The following MCM9 variants were observed in gnomAD, a reference collection of about 807,000 sequenced individuals.
The protein encoded by MCM9 is DNA helicase MCM9.
A neutral mutation model predicts 72.8 loss-of-function variants in MCM9; 55 were observed. That is an observed-to-expected ratio of 0.76 (90% CI 0.61 to 0.95). The LOEUF is 0.95. Among genes scored for constraint, MCM9 ranks in the 40% least tolerant of loss-of-function variants. The pLI is 0.00. For synonymous variants in MCM9, 480 were observed against 503.4 expected (o/e 0.95, Z 0.62); for missense variants, 1,279 against 1,377.0 (o/e 0.93, Z 1.13).
intron 8 of MCM9, among the ~76,000 whole-genome samples, chr6:118,856,777 A>T (rs1029866431): frequency 1.3e-5 from 2 of 152,134 alleles, no homozygotes; most frequent in African/African-American, 4.8e-5. Context: ...GCTACTCAGA[A>T]GGCTGAGGCG....
chr6:118,824,140 C>T (rs1323708174), intron 13 of MCM9, among the ~76,000 whole-genome samples: 4 of 142,938 alleles, frequency 2.8e-5, no homozygotes, highest in Non-Finnish European at 4.5e-5. Context: ...AAACCTCTGC[C>T]CCCCGGGGCA....
chr6:118,875,628 C>G (rs1489702636), intron 8 of MCM9, among the ~76,000 whole-genome samples: 1 of 145,460 alleles, frequency 6.9e-6, no homozygotes, highest in African/African-American at 2.6e-5. Flanking sequence ...AGAGTGAGAC[C>G]CTGTCTCAAA....
chr6:118,873,722 T>C (rs1361887170), intron 8 of MCM9, among the ~76,000 whole-genome samples: 1 of 152,242 alleles, frequency 6.6e-6, no homozygotes, highest in African/African-American at 2.4e-5. Context: ...ACATGAATTC[T>C]CTACAATCTC....
At position 118,856,407 on chromosome 6, in the gene MCM9, G is replaced by T; in HGVS notation, c.1289C>A (p.Ala430Glu). The change falls in exon 9 of 14, where the codon GCA (alanine) becomes GAA (glutamate). Residue 430 changes from alanine (A) to glutamate (E), a missense_variant. Ala to Glu is a moderately radical substitution (Grantham distance 107, BLOSUM62 -1). Transcript: ENST00000619706. ...KEHDRTSIHEAMEQQTISVAK... is the reference protein window; with the variant it reads ...KEHDRTSIHEEMEQQTISVAK... Reference sequence around the variant, plus strand: ...AACACTTATGGTTTGTTGCTCCATTGCTTCATGGATACTGGTCCTATCATG... The same window carrying T: ...AACACTTATGGTTTGTTGCTCCATTTCTTCATGGATACTGGTCCTATCATG... The T allele has an allele frequency of 6.5e-7, 1 of 1,535,426 alleles. No homozygotes were observed. The highest frequency in any genetic ancestry group is 8.7e-7 in the Non-Finnish European group (1 of 1,146,836).
chr6:118,861,776 G>A (rs1776922834), intron 8 of MCM9, among the ~76,000 whole-genome samples: 1 of 152,186 alleles, frequency 6.6e-6, no homozygotes, highest in African/African-American at 2.4e-5. Context: ...CTCACTTCAG[G>A]TTGTGGACTC....
At chr6:118,881,745 C>A (rs1183759828) in intron 8 of MCM9, among the ~76,000 whole-genome samples, 1 of 152,148 alleles carries the variant, frequency 6.6e-6, no homozygotes, top group Non-Finnish European at 1.5e-5. Flanking sequence ...TAAAATCCAA[C>A]CATTTATACA....
intron 8 of MCM9, among the ~76,000 whole-genome samples, chr6:118,879,571 A>G (rs774714828): frequency 2.6e-5 from 4 of 152,230 alleles, no homozygotes; most frequent in Admixed American, 6.5e-5. Context: ...ATTTGTTTAC[A>G]TACTGTCTAT....
chr6:118,852,615 G>C (rs1441248535), intron 9 of MCM9, among the ~76,000 whole-genome samples: 1 of 152,208 alleles, frequency 6.6e-6, no homozygotes, highest in East Asian at 1.9e-4. Flanking sequence ...TTACCAAGCA[G>C]GGAAGAGATG....
chr6:118,929,803 T>C (rs1397975281), intron 3 of MCM9, among the ~76,000 whole-genome samples: 1 of 152,158 alleles, frequency 6.6e-6, no homozygotes, highest in Non-Finnish European at 1.5e-5. Context: ...TGAGACTCCA[T>C]CTCTAATTTT....
At chr6:118,864,853 C>T (rs1777120195) in intron 8 of MCM9, among the ~76,000 whole-genome samples, 1 of 152,194 alleles carries the variant, frequency 6.6e-6, no homozygotes, top group Non-Finnish European at 1.5e-5. Flanking sequence ...CCCCCAAGAG[C>T]AGTGCAGAGA....
At chr6:118,900,567 A>G (rs1779741770) in intron 8 of MCM9, among the ~76,000 whole-genome samples, 1 of 152,216 alleles carries the variant, frequency 6.6e-6, no homozygotes, top group African/African-American at 2.4e-5. Flanking sequence ...GTTTCACAAA[A>G]GAGTATTTTG....
chr6:118,851,174 G>A (rs967790539), intron 9 of MCM9, among the ~76,000 whole-genome samples: 4 of 151,724 alleles, frequency 2.6e-5, no homozygotes, highest in Non-Finnish European at 5.9e-5. Context: ...TTTCAGGCCA[G>A]CATGTATTAG....
intron 8 of MCM9, among the ~76,000 whole-genome samples, chr6:118,872,847 A>T (rs1385885646): frequency 2.0e-5 from 3 of 152,038 alleles, no homozygotes; most frequent in Admixed American, 6.6e-5. Flanking sequence ...CAGAAAAAAA[A>T]ATTTAATCAG....
At chr6:118,857,981 A>G (rs982402572) in intron 8 of MCM9, among the ~76,000 whole-genome samples, 1 of 152,176 alleles carries the variant, frequency 6.6e-6, no homozygotes, top group African/African-American at 2.4e-5. Context: ...AAGAGTAAAC[A>G]CTTCCCAACT....
intron 8 of MCM9, among the ~76,000 whole-genome samples, chr6:118,858,040 C>T (rs1776674935): frequency 6.6e-6 from 1 of 152,044 alleles, no homozygotes; most frequent in Non-Finnish European, 1.5e-5. Context: ...ACTGAATTGT[C>T]ATACTAAACT....
At chr6:118,850,374 TA>T in intron 9 of MCM9, among the ~76,000 whole-genome samples, 1 of 151,954 alleles carries the variant, frequency 6.6e-6, no homozygotes, top group South Asian at 2.1e-4. Context: ...ACATATGAAA[TA>T]AAATAATTTT....
At chr6:118,861,800 C>T (rs534207332) in intron 8 of MCM9, among the ~76,000 whole-genome samples, 43 of 152,230 alleles carry the variant, frequency 2.8e-4, no homozygotes, top group Non-Finnish European at 6.0e-4. Flanking sequence ...CCAGAACCGG[C>T]AGCCTAGCCC....
At chr6:118,921,043 A>T (rs998521420) in intron 5 of MCM9, 1 of 152,224 alleles carries the variant, frequency 6.6e-6, no homozygotes, top group African/African-American at 2.4e-5. Context: ...GCTCAGAATG[A>T]CACTGGAACA....
chr6:118,847,422 C>CAAAAA (rs368957444), intron 9 of MCM9, among the ~76,000 whole-genome samples: 8 of 113,834 alleles, frequency 7.0e-5, no homozygotes, highest in Non-Finnish European at 1.2e-4. Flanking sequence ...CATGAATCTT[C>CAAAAA]AAAAAAAAAA....
Sources: gnomAD v4.1 joint callset for allele counts (sites outside exome capture counted in the v4.1 genomes callset) on GRCh38, gnomAD v4.1.1 for gene constraint, MANE v1.5 for transcripts, NCBI Gene and HGNC (gene_info 2026-07-23, HGNC 2026-07-21) for gene names.